ADAMTSL3: variants seen among roughly 807,000 people sequenced by gnomAD.
The protein encoded by ADAMTSL3 is ADAMTS like 3, also known as ADAMTS-like protein 3.
Under a neutral mutation model 201.7 loss-of-function variants are expected in ADAMTSL3, and 128 were observed. The ratio of observed to expected loss-of-function variants is 0.63; its 90% CI spans 0.55 to 0.73. The LOEUF (loss-of-function observed/expected upper bound fraction) is 0.73. Among genes scored for constraint, ADAMTSL3 ranks in the 30% least tolerant of loss-of-function variants. The pLI, the probability that ADAMTSL3 is intolerant of heterozygous loss-of-function variation, is 0.00. For synonymous variants in ADAMTSL3, 738 were observed against 748.4 expected, an observed-to-expected ratio of 0.99 and a Z score of 0.23; for missense variants, 1,990 against 2,119.6, an observed-to-expected ratio of 0.94 and a Z score of 1.20.
intron 25 of ADAMTSL3, among the ~76,000 whole-genome samples, chr15:84,019,633 C>T (rs2068159153): frequency 1.3e-5 from 2 of 152,100 alleles, no homozygotes; most frequent in South Asian, 4.1e-4. Flanking sequence ...GTGGCTCACA[C>T]CTGTAATCCC....
intron 16 of ADAMTSL3, among the ~76,000 whole-genome samples, chr15:83,920,092 T>C (rs2066109296): frequency 6.6e-6 from 1 of 152,238 alleles, no homozygotes; most frequent in South Asian, 2.1e-4. Context: ...GTATGAATGA[T>C]ACTGATGCAT....
intron 3 of ADAMTSL3, among the ~76,000 whole-genome samples, chr15:83,767,953 A>T (rs919826425): frequency 6.6e-6 from 1 of 152,196 alleles, no homozygotes; most frequent in African/African-American, 2.4e-5. Flanking sequence ...GAGTGAAGAC[A>T]CGGAAGCTGC....
At chr15:83,988,879 A>ATTTTT in intron 22 of ADAMTSL3, 61 bp downstream of exon 22, 1 of 1,052,972 alleles carries the variant, frequency 9.5e-7, no homozygotes, top group Non-Finnish European at 1.2e-6. Context: ...TTATTTATTT[A>ATTTTT]TTTATTTATT....
intron 3 of ADAMTSL3, among the ~76,000 whole-genome samples, chr15:83,743,479 G>A (rs2062490317): frequency 7.1e-6 from 1 of 140,668 alleles, no homozygotes; most frequent in Admixed American, 7.5e-5. Context: ...CGCCACTGCA[G>A]TCCGCAGTCC....
intron 6 of ADAMTSL3, among the ~76,000 whole-genome samples, chr15:83,832,362 T>G (rs1166514214): frequency 1.3e-5 from 2 of 152,170 alleles, no homozygotes; most frequent in African/African-American, 2.4e-5. Flanking sequence ...GGTTTCAGTA[T>G]GAATTAGTGC....
At chr15:83,684,587 A>T (rs186888016) in intron 2 of ADAMTSL3, among the ~76,000 whole-genome samples, 1 of 152,118 alleles carries the variant, frequency 6.6e-6, no homozygotes, top group African/African-American at 2.4e-5. Context: ...GGGAAAAAAA[A>T]CAACCAAAAA....
intron 4 of ADAMTSL3, among the ~76,000 whole-genome samples, chr15:83,782,632 A>G (rs2063190371): frequency 1.3e-5 from 2 of 152,314 alleles, no homozygotes; most frequent in Middle Eastern, 3.4e-3. Flanking sequence ...ACAGAAAACC[A>G]AATACCACAT....
Position 83,838,215 on chromosome 15 carries a change from A to C in ADAMTSL3, c.727A>C (p.Arg243=), listed in dbSNP as rs1567180129. Residue 243 remains arginine, a splice_region_variant and synonymous_variant, in exon 7 of 30, where the codon AGA becomes CGA. Transcript: ENST00000286744. ...AAAGTCACACGTTTCTCCTGAAAAA[A>C]GTAGGTTTTAAACCCAATACGTTAT... ...QSKSHVSPEK[R]EENVIAVPLG... is the part of the protein sequence containing the mutation. The C allele has an allele frequency of 6.2e-7, 1 of 1,612,548 alleles. No individual in the cohort carries two copies. Among genetic ancestry groups the C allele is most frequent in the Non-Finnish European group, 8.5e-7 (1 of 1,179,326 alleles).
intron 2 of ADAMTSL3, among the ~76,000 whole-genome samples, chr15:83,681,844 T>C (rs969964553): frequency 6.6e-6 from 1 of 152,184 alleles, no homozygotes; most frequent in Non-Finnish European, 1.5e-5. Context: ...ATATCAAGGA[T>C]ACTTCTAGAA....
chr15:83,869,041 A>C (rs2065031886), intron 8 of ADAMTSL3, among the ~76,000 whole-genome samples: 1 of 152,136 alleles, frequency 6.6e-6, no homozygotes. Flanking sequence ...ATGGTAAAGC[A>C]ATTACTACTC....
chr15:83,687,982 A>G (rs1423220619), intron 2 of ADAMTSL3, among the ~76,000 whole-genome samples: 1 of 152,238 alleles, frequency 6.6e-6, no homozygotes, highest in Non-Finnish European at 1.5e-5. Flanking sequence ...CATCTAACAC[A>G]GTGGAAAACC....
At chr15:83,973,713 C>T (rs2067234462) in intron 20 of ADAMTSL3, among the ~76,000 whole-genome samples, 1 of 152,102 alleles carries the variant, frequency 6.6e-6, no homozygotes. Context: ...GCTAAAGTGG[C>T]ATAATGTCGT....
chr15:84,011,091 A>G (rs2067999143), intron 23 of ADAMTSL3, among the ~76,000 whole-genome samples: 1 of 152,342 alleles, frequency 6.6e-6, no homozygotes, highest in South Asian at 2.1e-4. Context: ...AGTCTTACAT[A>G]GAGTAGGCAC....
At chr15:83,746,786 G>C (rs1361081148) in intron 3 of ADAMTSL3, among the ~76,000 whole-genome samples, 1 of 152,120 alleles carries the variant, frequency 6.6e-6, no homozygotes, top group Admixed American at 6.5e-5. Flanking sequence ...GATTGCTTGA[G>C]CCCAGGAGTT....
At chr15:83,973,013 C>T (rs1596483718) in intron 20 of ADAMTSL3, among the ~76,000 whole-genome samples, 1 of 152,264 alleles carries the variant, frequency 6.6e-6, no homozygotes, top group Admixed American at 6.5e-5. Context: ...TGTGCAGACC[C>T]TACAAGACAC....
rs2063582476 is a variant in ADAMTSL3 at position 83,805,161 on chromosome 15, T to C, written c.363+466T>C. Among the ~76,000 whole-genome samples, 3 of 152,356 alleles carry C rather than the reference T, an allele frequency of 2.0e-5. No individual in the cohort carries two copies. The South Asian group carries it at 6.2e-4, about 32-fold the overall frequency. On this transcript the variant is annotated intron_variant, in intron 5 of 29. Coordinates refer to ENST00000286744, the MANE Select transcript of ADAMTSL3 (RefSeq NM_207517.3). ...TTTCTACCTCAGTGTCATGGAATGC[T>C]ATAGGTGACCCATCAGCAAATCACA... is the stretch of plus-strand genomic sequence containing the variant.
chr15:83,794,377 TC>T (rs2063391135), intron 4 of ADAMTSL3, among the ~76,000 whole-genome samples: 1 of 152,218 alleles, frequency 6.6e-6, no homozygotes, highest in Non-Finnish European at 1.5e-5. Context: ...CCAGTTTTAC[TC>T]ACAGTGGCCA....
At position 83,858,802 on chromosome 15, in the gene ADAMTSL3, G is replaced by C; in HGVS notation, c.764G>C (p.Arg255Pro). 6.2e-7 allele frequency: 1 copy of C among 1,613,734 alleles called. No homozygotes were observed. The highest frequency in any genetic ancestry group is 1.1e-5 in the South Asian group (1 of 91,004). The change falls in exon 8 of 30, where the codon CGA becomes CCA. Residue 255 changes from arginine (R) to proline (P), a missense_variant. By Grantham distance (103) the Arg-to-Pro change is moderately radical. Transcript: ENST00000286744. ...ENVIAVPLGS[R>P]SVRITVKGPA... The stretch of plus-strand genomic sequence containing the variant: ...GTAATTGCTGTTCCTTTGGGAAGTC[G>C]AAGTGTGAGAATTACAGTGAAAGGA...
At chr15:83,838,319 G>A in intron 7 of ADAMTSL3, 104 bp downstream of exon 7, 4 of 1,389,766 alleles carry the variant, frequency 2.9e-6, no homozygotes, top group Non-Finnish European at 3.9e-6. Flanking sequence ...TTAGTTGGAA[G>A]TAGCTTTTGT....
Sources: gnomAD v4.1 joint callset for allele counts (sites outside exome capture counted in the v4.1 genomes callset) on GRCh38, gnomAD v4.1.1 for gene constraint, MANE v1.5 for transcripts, NCBI Gene and HGNC (gene_info 2026-07-23, HGNC 2026-07-21) for gene names.